MAGI3: variants seen among roughly 807,000 people sequenced by gnomAD.
MAGI3 encodes membrane associated guanylate kinase, WW and PDZ domain containing 3.
MAGI3 carries 43 observed loss-of-function variants against 121.8 expected under a neutral mutation model. The ratio of observed to expected loss-of-function variants is 0.35; its 90% CI spans 0.28 to 0.46. The LOEUF is 0.46. MAGI3 is among the 20% of genes least tolerant of loss of function. The pLI is 1.00. For missense variants in MAGI3, 1,547 were observed against 1,797.3 expected (o/e 0.86, Z 2.52); for synonymous variants, 553 against 639.3 (o/e 0.86, Z 2.04).
chr1:113,679,250 C>T (rs1451959386), intron 19 of MAGI3, among the ~76,000 whole-genome samples: 1 of 152,124 alleles, frequency 6.6e-6, no homozygotes, highest in Admixed American at 6.5e-5. Context: ...CCTTGACCCT[C>T]TCCTTCCCTC....
intron 2 of MAGI3, among the ~76,000 whole-genome samples, chr1:113,565,803 G>A (rs1244344524): frequency 6.6e-6 from 1 of 152,116 alleles, no homozygotes; most frequent in Non-Finnish European, 1.5e-5. Context: ...CACACTTGTG[G>A]GAACAGCTGC....
chr1:113,633,023 A>C (rs1232107007), intron 9 of MAGI3, among the ~76,000 whole-genome samples: 2 of 148,976 alleles, frequency 1.3e-5, no homozygotes, highest in Non-Finnish European at 3.0e-5. Flanking sequence ...ATTTAGCATT[A>C]GGTATATCTC....
At chr1:113,441,552 C>T (rs931041421) in intron 1 of MAGI3, among the ~76,000 whole-genome samples, 7 of 152,162 alleles carry the variant, frequency 4.6e-5, no homozygotes, top group African/African-American at 9.6e-5. Context: ...TAAAATACCA[C>T]TATATATGAT....
intron 1 of MAGI3, among the ~76,000 whole-genome samples, chr1:113,512,642 A>G (rs1657674499): frequency 6.6e-6 from 1 of 152,220 alleles, no homozygotes; most frequent in East Asian, 1.9e-4. Context: ...AATAAGAGCT[A>G]TCTATGACAA....
intron 1 of MAGI3, among the ~76,000 whole-genome samples, chr1:113,487,981 G>T (rs551183208): frequency 6.6e-6 from 1 of 152,240 alleles, no homozygotes; most frequent in Non-Finnish European, 1.5e-5. Context: ...TGTAGAAATG[G>T]TAAAGTTATG....
chr1:113,658,957 T>TTCTGTTA lies in MAGI3; in HGVS notation c.2630-121_2630-115dup. On this transcript the variant is annotated intron_variant, in intron 15 of 20. Transcript: ENST00000307546. The surrounding 1 kb of genome is among the most constrained non-coding windows in gnomAD (Gnocchi z 4.0). ...GATGCGATGATGACGTGTGGTACTT[T>TTCTGTTA]TCTGTTATGTTTTTAAATAATTTTC... is the stretch of plus-strand genomic sequence containing the variant. 2.4e-6 allele frequency: 2 copies of TTCTGTTA among 844,590 alleles called. No individual in the cohort carries two copies. The highest frequency in any genetic ancestry group is 1.9e-6 in the Non-Finnish European group (1 of 537,490). 52.3% of individuals were successfully genotyped at this position (844,590 alleles called of 1,614,324 possible). A position where few individuals can be genotyped will look rare whatever the true frequency, so the allele number is the denominator to read the frequency against.
At chr1:113,535,385 G>A (rs2101647315) in intron 1 of MAGI3, among the ~76,000 whole-genome samples, 1 of 151,806 alleles carries the variant, frequency 6.6e-6, no homozygotes, top group African/African-American at 2.4e-5. Context: ...GCACATTTTA[G>A]AATATGTTTT....
At chr1:113,630,413 A>T (rs1454750989) in intron 9 of MAGI3, among the ~76,000 whole-genome samples, 1 of 151,900 alleles carries the variant, frequency 6.6e-6, no homozygotes, top group African/African-American at 2.4e-5. Flanking sequence ...CTAGGCCTGG[A>T]CTCAGGGACC....
At chr1:113,471,225 G>T (rs1381493663) in intron 1 of MAGI3, among the ~76,000 whole-genome samples, 3 of 152,042 alleles carry the variant, frequency 2.0e-5, no homozygotes, top group Admixed American at 2.0e-4. Context: ...ATGTGTTAGG[G>T]CACAAAACAA....
intron 7 of MAGI3, among the ~76,000 whole-genome samples, chr1:113,617,475 C>T (rs951321573): frequency 1.3e-5 from 2 of 152,002 alleles, no homozygotes; most frequent in African/African-American, 2.4e-5. Context: ...TTTTGAGTGG[C>T]ATTTTAGTCT....
At chr1:113,579,351 C>G (rs188507135) in intron 2 of MAGI3, among the ~76,000 whole-genome samples, 2 of 152,060 alleles carry the variant, frequency 1.3e-5, no homozygotes, top group Non-Finnish European at 2.9e-5. Flanking sequence ...TGACAACGAC[C>G]TTGAAAGTAT....
chr1:113,639,880 A>G (rs1258009554), intron 9 of MAGI3, among the ~76,000 whole-genome samples: 2 of 151,736 alleles, frequency 1.3e-5, no homozygotes, highest in Non-Finnish European at 2.9e-5. Flanking sequence ...ATTTTTTTGT[A>G]TTTTAGTAGA....
chr1:113,419,954 CCTT>C (rs1048999703), intron 1 of MAGI3, among the ~76,000 whole-genome samples: 27 of 152,182 alleles, frequency 1.8e-4, no homozygotes, highest in Non-Finnish European at 1.0e-4. Context: ...TGTCACATCT[CCTT>C]CTCTCACTTT....
intron 19 of MAGI3, among the ~76,000 whole-genome samples, chr1:113,676,909 T>G (rs1647903929): frequency 6.6e-6 from 1 of 152,178 alleles, no homozygotes; most frequent in African/African-American, 2.4e-5. Context: ...GTAAAATGTA[T>G]GGATAATAAT....
intron 1 of MAGI3, 26 bp from the exon 2 acceptor site, chr1:113,549,489 G>GGT: frequency 9.7e-7 from 1 of 1,028,306 alleles, no homozygotes; most frequent in Non-Finnish European, 1.4e-6. Context: ...TTTATTTTCT[G>GGT]TTTTTTTTTT....
intron 3 of MAGI3, among the ~76,000 whole-genome samples, chr1:113,583,685 G>A (rs1021015116): frequency 6.6e-5 from 10 of 151,934 alleles, no homozygotes; most frequent in African/African-American, 1.5e-4. Context: ...TTTCTGTGCC[G>A]GCTGCCCCAG....
chr1:113,569,884 T>C (rs1285165938), intron 2 of MAGI3, among the ~76,000 whole-genome samples: 2 of 152,186 alleles, frequency 1.3e-5, no homozygotes, highest in South Asian at 4.1e-4. Flanking sequence ...TATTTTATTT[T>C]TTATTATACT....
At chr1:113,604,356 C>T (rs77612463) in intron 6 of MAGI3, among the ~76,000 whole-genome samples, 1 of 151,796 alleles carries the variant, frequency 6.6e-6, no homozygotes, top group Non-Finnish European at 1.5e-5. Flanking sequence ...ATCACAAGGT[C>T]AAGAGATCAA....
At chr1:113,563,085 T>C (rs964361233) in intron 2 of MAGI3, among the ~76,000 whole-genome samples, 2 of 152,180 alleles carry the variant, frequency 1.3e-5, no homozygotes, top group African/African-American at 4.8e-5. Flanking sequence ...TTTTAGCAAG[T>C]CAATATATAT....
Sources: allele counts gnomAD v4.1 joint callset (sites outside exome capture counted in the v4.1 genomes callset), GRCh38; gene constraint gnomAD v4.1.1; non-coding constraint Gnocchi (gnomAD v3.1); transcripts MANE v1.5; gene names NCBI Gene and HGNC (gene_info 2026-07-23, HGNC 2026-07-21).